LSAMP: variants seen among roughly 807,000 people sequenced by gnomAD.
LSAMP encodes limbic system associated membrane protein, also known as limbic system-associated membrane protein.
Under a neutral mutation model 38.6 loss-of-function variants are expected in LSAMP, and 7 were observed. The ratio of observed to expected loss-of-function variants is 0.18; its 90% confidence interval spans 0.10 to 0.34. The LOEUF is 0.34. Among genes scored for constraint, LSAMP ranks in the 10% least tolerant of loss-of-function variants. LSAMP has a pLI of 1.00. For synonymous variants in LSAMP, 154 were observed against 166.8 expected (o/e 0.92, Z 0.59); for missense variants, 313 against 420.0 (o/e 0.75, Z 2.23).
At chr3:116,163,086 T>C (rs911235493) in intron 1 of LSAMP, among the ~76,000 whole-genome samples, 40 of 152,076 alleles carry the variant, frequency 2.6e-4, no homozygotes, top group African/African-American at 9.2e-4. Flanking sequence ...AATTTTATTA[T>C]TATTATACTT....
intron 1 of LSAMP, among the ~76,000 whole-genome samples, chr3:116,109,411 A>C (rs1359445372): frequency 6.6e-6 from 1 of 151,984 alleles, no homozygotes; most frequent in African/African-American, 2.4e-5. Flanking sequence ...GATTAGAAAG[A>C]CTCAGCAACG....
At chr3:116,178,024 A>G (rs1710392520) in intron 1 of LSAMP, among the ~76,000 whole-genome samples, 1 of 152,178 alleles carries the variant, frequency 6.6e-6, no homozygotes, top group African/African-American at 2.4e-5. Context: ...ATGAAATGAG[A>G]AAACACTGAA....
chr3:116,172,922 T>A (rs1480999049), intron 1 of LSAMP, among the ~76,000 whole-genome samples: 1 of 151,824 alleles, frequency 6.6e-6, no homozygotes, highest in Non-Finnish European at 1.5e-5. Flanking sequence ...CAATGGCTAC[T>A]GGGAAAGAGG....
At chr3:116,077,675 C>T (rs898609556) in intron 2 of LSAMP, among the ~76,000 whole-genome samples, 3 of 152,106 alleles carry the variant, frequency 2.0e-5, no homozygotes, top group African/African-American at 7.2e-5. Context: ...ACAAATAGTT[C>T]CCATGTATCC....
chr3:116,044,569 G>A (rs1456411256), intron 2 of LSAMP, among the ~76,000 whole-genome samples: 1 of 151,548 alleles, frequency 6.6e-6, no homozygotes, highest in Non-Finnish European at 1.5e-5. Flanking sequence ...AGTCTGACAG[G>A]TCTCTATTTC....
intron 1 of LSAMP, among the ~76,000 whole-genome samples, chr3:116,303,800 A>ACAAT (rs2047446705): frequency 6.6e-6 from 1 of 152,212 alleles, no homozygotes; most frequent in Non-Finnish European, 1.5e-5. Context: ...GATGCGCAGA[A>ACAAT]CAATCATCTT....
At chr3:115,932,211 C>G (rs764976747) in intron 3 of LSAMP, among the ~76,000 whole-genome samples, 6 of 152,148 alleles carry the variant, frequency 3.9e-5, no homozygotes, top group Non-Finnish European at 7.4e-5. Context: ...GATACAATGA[C>G]TGTTCCCATA....
At chr3:116,228,269 T>C (rs1246121089) in intron 1 of LSAMP, among the ~76,000 whole-genome samples, 4 of 152,098 alleles carry the variant, frequency 2.6e-5, no homozygotes, top group Admixed American at 2.6e-4. Context: ...ACTAAACATA[T>C]ATTAATTGTT....
At chr3:116,005,258 C>G (rs142528718) in intron 3 of LSAMP, among the ~76,000 whole-genome samples, 2 of 152,254 alleles carry the variant, frequency 1.3e-5, no homozygotes, top group East Asian at 3.9e-4. Context: ...GGTACCACCT[C>G]AGGCAACTGA....
chr3:116,042,516 G>A (rs1400357739), intron 2 of LSAMP, among the ~76,000 whole-genome samples: 1 of 149,778 alleles, frequency 6.7e-6, no homozygotes, highest in East Asian at 2.0e-4. Flanking sequence ...TGCAACCTCT[G>A]CCTCCTAGGT....
intron 2 of LSAMP, among the ~76,000 whole-genome samples, chr3:116,041,027 G>A (rs1215378291): frequency 6.6e-6 from 1 of 152,192 alleles, no homozygotes; most frequent in Non-Finnish European, 1.5e-5. Context: ...GGGCTCAAGT[G>A]AGCATCCCGC....
chr3:115,835,200 C>A (rs942556152), intron 6 of LSAMP, among the ~76,000 whole-genome samples: 1 of 152,014 alleles, frequency 6.6e-6, no homozygotes, highest in Admixed American at 6.6e-5. Context: ...TAGTCTATTC[C>A]TTAATTCCCC....
In LSAMP at chr3:116,248,477, A is replaced by ATGTGTGTGTG. The variant is rs3028670; in HGVS notation, c.156-161931_156-161922dup. ...GCAATATAGTAAGACCCTGTCTCTA[A>ATGTGTGTGTG]TGTGTGTGTGTGTGTGTGTGTGTGT... On this transcript the variant is annotated intron_variant, in intron 1 of 6. Coordinates refer to ENST00000490035, the MANE Select transcript of LSAMP (RefSeq NM_002338.5). 4.9e-3 allele frequency among the ~76,000 whole-genome samples: 696 copies of ATGTGTGTGTG among 141,002 alleles called. 15 individuals are homozygous for ATGTGTGTGTG. The highest frequency in any genetic ancestry group is 0.018 in the African/African-American group (632 of 35,818). 92.5% of individuals were successfully genotyped at this position (141,002 alleles called of 152,430 possible).
chr3:116,185,894 CAAA>C (rs58376954), intron 1 of LSAMP, among the ~76,000 whole-genome samples: 2 of 105,882 alleles, frequency 1.9e-5, no homozygotes, highest in African/African-American at 3.3e-5. Context: ...GAAAAAGAAG[CAAA>C]AAAAAAAAAA....
intron 3 of LSAMP, among the ~76,000 whole-genome samples, chr3:115,947,615 G>A (rs1483428277): frequency 2.6e-5 from 4 of 152,146 alleles, no homozygotes; most frequent in Admixed American, 1.3e-4. Flanking sequence ...TCACTTTGTG[G>A]AAAGTCATCA....
Position 115,803,923 on chromosome 3 carries a change from T to C in LSAMP, c.*6394A>G, listed in dbSNP as rs140294616. ...CAGAAAACTAATGTTTCCTTTCTTA[T>C]GCACAATGTCCTCATTTGTTACATG... On this transcript the variant is annotated 3_prime_UTR_variant, in exon 7 of 7. Transcript: ENST00000490035. 6.6e-6 allele frequency: 1 copy of C among 152,348 alleles called. No homozygotes were observed. The highest frequency in any genetic ancestry group is 1.5e-5 in the Non-Finnish European group (1 of 68,030). 9.4% of individuals were successfully genotyped at this position (152,348 alleles called of 1,614,324 possible).
chr3:115,859,445 G>C (rs189243761), intron 3 of LSAMP, among the ~76,000 whole-genome samples: 1 of 152,302 alleles, frequency 6.6e-6, no homozygotes, highest in Non-Finnish European at 1.5e-5. Flanking sequence ...AGGAGAGAGA[G>C]TTTTCTGAAG....
intron 3 of LSAMP, among the ~76,000 whole-genome samples, chr3:115,869,275 A>AGAGAGAGAGAGAGAGAGAGAGAGAGAGC: frequency 6.7e-6 from 1 of 149,680 alleles, no homozygotes; most frequent in African/African-American, 2.4e-5. Context: ...AGGGGGAGAG[A>AGAGAGAGAGAGAGAGAGAGAGAGAGAGC]GAGAGAGAGA....
intron 3 of LSAMP, among the ~76,000 whole-genome samples, chr3:115,855,937 T>C (rs928446469): frequency 6.6e-6 from 1 of 152,138 alleles, no homozygotes; most frequent in African/African-American, 2.4e-5. Flanking sequence ...CCTTCCTGAT[T>C]AGTCTGTTCT....
Sources: gnomAD v4.1 joint callset for allele counts (sites outside exome capture counted in the v4.1 genomes callset) on GRCh38, gnomAD v4.1.1 for gene constraint, MANE v1.5 for transcripts, NCBI Gene and HGNC (gene_info 2026-07-23, HGNC 2026-07-21) for gene names.